The following STRBP variants were observed in gnomAD, a reference collection of about 807,000 sequenced individuals.
The protein encoded by STRBP is spermatid perinuclear RNA binding protein, also known as spermatid perinuclear RNA-binding protein.
In STRBP, 13 loss-of-function variants were observed where a neutral mutation model predicts 80.1. The observed-to-expected ratio is 0.16, with a 90% CI of 0.11 to 0.26. The LOEUF (loss-of-function observed/expected upper bound fraction) is 0.26. STRBP is among the 10% of genes least tolerant of loss of function. STRBP has a pLI of 1.00. For synonymous variants in STRBP, 284 were observed against 291.2 expected (o/e 0.98, Z 0.25); for missense variants, 485 against 815.2 (o/e 0.59, Z 4.93).
Position 123,124,914 on chromosome 9 carries a change from A to C in STRBP, c.*683T>G. ...AGTGAGTAGACTGGCTCAAACTAAC[A>C]ATCACCTTTGCTTTGTTTTAGCACT... On this transcript the variant is annotated 3_prime_UTR_variant, in exon 19 of 19. Transcript: ENST00000348403. 1.0e-6 allele frequency: 1 copy of C among 985,632 alleles called. No individual in the cohort carries two copies. The highest frequency in any genetic ancestry group is 1.2e-6 in the Non-Finnish European group (1 of 829,904). 61.1% of individuals were successfully genotyped at this position (985,632 alleles called of 1,614,324 possible).
At chr9:123,190,721 G>A (rs999374625) in intron 2 of STRBP, among the ~76,000 whole-genome samples, 1 of 152,222 alleles carries the variant, frequency 6.6e-6, no homozygotes, top group Non-Finnish European at 1.5e-5. Context: ...TATACTGAAT[G>A]AGCCAGCTAA....
At position 123,242,140 on chromosome 9, in the gene STRBP, C is replaced by A. The variant is rs908694465; in HGVS notation, c.-301-5174G>T. On this transcript the variant is annotated intron_variant, in intron 1 of 18. Transcript: ENST00000348403. ...CAAACAAATGAGATTTCTTCAGAGG[C>A]CTTCCCTGATCTAATCAATCAATTA... 2.6e-5 allele frequency among the ~76,000 whole-genome samples: 4 copies of A among 152,318 alleles called. 1 individual carries two copies. The highest frequency in any genetic ancestry group is 5.9e-5 in the Non-Finnish European group (4 of 68,026).
In STRBP at chr9:123,121,617, T is replaced by A; in HGVS notation, c.*3980A>T. The stretch of plus-strand genomic sequence containing the variant: ...TAGTTACCATAATATTTTGTTTTTG[T>A]TTTTTTTTTTTTTCATTTTCTATTG... On this transcript the variant is annotated 3_prime_UTR_variant, in exon 19 of 19. Coordinates refer to ENST00000348403, the MANE Select transcript of STRBP (RefSeq NM_018387.5). 1.7e-3 allele frequency: 1 copy of A among 582 alleles called. No homozygotes were observed. Among genetic ancestry groups the A allele is most frequent in the African/African-American group, 1.7e-3 (1 of 576 alleles). The allele number at this position is 582 out of a possible 1,614,324, so 0.0% of individuals were successfully genotyped here.
intron 12 of STRBP, 43 bp downstream of exon 12, chr9:123,147,735 G>A: frequency 9.0e-7 from 1 of 1,115,608 alleles, no homozygotes; most frequent in Non-Finnish European, 1.3e-6. Flanking sequence ...GAAGCTACAA[G>A]TCCTCTCTAG....
At chr9:123,256,385 G>GT (rs2041031089) in intron 1 of STRBP, among the ~76,000 whole-genome samples, 1 of 152,050 alleles carries the variant, frequency 6.6e-6, no homozygotes, top group East Asian at 1.9e-4. Context: ...TCAGTGTACA[G>GT]TAAGTTGTCA....
At chr9:123,260,990 C>A (rs1020004986) in intron 1 of STRBP, among the ~76,000 whole-genome samples, 2 of 152,174 alleles carry the variant, frequency 1.3e-5, no homozygotes, top group Admixed American at 6.5e-5. Flanking sequence ...CTTCTTTAAT[C>A]TTCAATATAA....
chr9:123,177,288 C>T (rs550681687), intron 4 of STRBP, among the ~76,000 whole-genome samples: 1 of 152,178 alleles, frequency 6.6e-6, no homozygotes, highest in African/African-American at 2.4e-5. Context: ...AAATCCAGGC[C>T]TGGCATGGTG....
intron 3 of STRBP, chr9:123,113,597 T>C (rs1268443786): frequency 1.2e-5 from 2 of 167,228 alleles, no homozygotes; most frequent in African/African-American, 2.4e-5. Context: ...AAGTTCCATA[T>C]GGGCAGGAAC....
At chr9:123,127,968 C>T (rs1235525358) in intron 18 of STRBP, among the ~76,000 whole-genome samples, 2 of 152,126 alleles carry the variant, frequency 1.3e-5, no homozygotes, top group African/African-American at 2.4e-5. Context: ...TATTTAATTT[C>T]AATATGGTCA....
Position 123,160,448 on chromosome 9 carries a change from T to C in STRBP, c.642A>G (p.Gly214=). The C allele has an allele frequency of 6.2e-7, 1 of 1,600,012 alleles. No homozygotes were observed. The highest frequency in any genetic ancestry group is 8.5e-7 in the Non-Finnish European group (1 of 1,170,364). Residue 214 remains glycine (G), a synonymous_variant, in exon 8 of 19, where the codon GGA becomes GGG. Transcript: ENST00000348403. Reference sequence around the variant, plus strand: ...GGAGGACAATTACACATGATTTTAATCCATTTGCCCTTGCCTAAAACAAAC... The same window carrying C: ...GGAGGACAATTACACATGATTTTAACCCATTTGCCCTTGCCTAAAACAAAC... The part of the protein sequence containing the change: ...HAKWFQARAN[G]LKSCVIVLRI...
At chr9:123,152,459 C>T (rs2037098070) in intron 11 of STRBP, among the ~76,000 whole-genome samples, 1 of 151,642 alleles carries the variant, frequency 6.6e-6, no homozygotes, top group South Asian at 2.1e-4. Context: ...TGTAAAAAGC[C>T]CAAACTGGAA....
At chr9:123,252,842 C>T (rs971212917) in intron 1 of STRBP, among the ~76,000 whole-genome samples, 1 of 152,098 alleles carries the variant, frequency 6.6e-6, no homozygotes, top group Admixed American at 6.6e-5. Flanking sequence ...TACCCCAGGG[C>T]CTATTACTGA....
chr9:123,198,268 G>C (rs927768698), intron 2 of STRBP, among the ~76,000 whole-genome samples: 1 of 152,000 alleles, frequency 6.6e-6, no homozygotes, highest in African/African-American at 2.4e-5. Context: ...AGCCTCCCAA[G>C]TAGCTAACTG....
chr9:123,133,554 T>TA, intron 16 of STRBP, among the ~76,000 whole-genome samples: 1 of 152,138 alleles, frequency 6.6e-6, no homozygotes, highest in East Asian at 1.9e-4. Context: ...GGTTTTTTTT[T>TA]TTGAGACGGA....
chr9:123,151,275 A>G (rs913425983), intron 11 of STRBP, among the ~76,000 whole-genome samples: 8 of 152,216 alleles, frequency 5.3e-5, no homozygotes, highest in Non-Finnish European at 7.3e-5. Context: ...ACAAATCCAC[A>G]ATAGATGGGA....
intron 6 of STRBP, 78 bp downstream of exon 6, chr9:123,169,824 T>C: frequency 3.4e-6 from 3 of 882,994 alleles, no homozygotes; most frequent in Non-Finnish European, 4.4e-6. Context: ...TAAAACATTG[T>C]TAACATAGCT....
chr9:123,163,020 CTACT>C (rs1457490413), intron 6 of STRBP, among the ~76,000 whole-genome samples: 4 of 152,194 alleles, frequency 2.6e-5, no homozygotes, highest in African/African-American at 9.7e-5. Flanking sequence ...GGTTGACTAA[CTACT>C]AAGTAATGTA....
Position 123,161,037 on chromosome 9 carries a change from T to C in STRBP, c.567A>G (p.Leu189=), listed in dbSNP as rs755941061. The C allele has an allele frequency of 2.5e-6, 4 of 1,598,516 alleles. No individual in the cohort carries two copies. Among genetic ancestry groups the C allele is most frequent in the Non-Finnish European group, 3.4e-6 (4 of 1,175,454 alleles). The change falls in exon 7 of 19, where the codon TTA becomes TTG. Residue 189 remains leucine (L), a synonymous_variant. Transcript: ENST00000348403. ...CGTTCAGGCATTTCTGCCTGTCCAA[T>C]AAGTCCGGAGGATCTTTCATCGAAA... The part of the protein sequence containing the change: ...ENVSMKDPPD[L]LDRQKCLNAL...
chr9:123,156,356 T>C (rs574985793), intron 11 of STRBP, among the ~76,000 whole-genome samples: 1 of 152,172 alleles, frequency 6.6e-6, no homozygotes, highest in Admixed American at 6.5e-5. Context: ...TCAAGTAATA[T>C]TAAGCATTGG....
Sources: allele counts gnomAD v4.1 joint callset (sites outside exome capture counted in the v4.1 genomes callset), GRCh38; gene constraint gnomAD v4.1.1; transcripts MANE v1.5; gene names NCBI Gene and HGNC (gene_info 2026-07-23, HGNC 2026-07-21).